The following DPP10 variants were observed in gnomAD, a reference collection of about 807,000 sequenced individuals.
DPP10 encodes dipeptidyl peptidase like 10.
In DPP10, 33 loss-of-function variants were observed where a neutral mutation model predicts 120.9. That is an observed-to-expected ratio of 0.27 (90% CI 0.21 to 0.37). The LOEUF is 0.37. Ranked by LOEUF, DPP10 falls within the 10% of genes least tolerant of loss-of-function variation. The pLI, the probability that DPP10 is intolerant of heterozygous loss-of-function variation, is 1.00. For synonymous variants in DPP10, 337 were observed against 326.1 expected (o/e 1.03, Z -0.36); for missense variants, 816 against 942.8 (o/e 0.87, Z 1.76).
rs571308022 is a variant in DPP10, at chr2:114,848,927, A to G, written c.60+406089A>G. The stretch of plus-strand genomic sequence containing the variant: ...AAAGGTCTGGCAAGTTCAATATCTG[A>G]TACAAGATGACTTCCTGGTTCACAG... On this transcript the variant is annotated intron_variant, in intron 1 of 25. Coordinates refer to ENST00000410059, the MANE Select transcript of DPP10 (RefSeq NM_020868.6). Among the ~76,000 whole-genome samples, 21 of 152,290 alleles carry G rather than the reference A, an allele frequency of 1.4e-4. No homozygotes were observed. In the South Asian group the frequency reaches 4.3e-3, roughly 32 times the overall value.
At chr2:115,009,941 A>G (rs1005359721) in intron 1 of DPP10, among the ~76,000 whole-genome samples, 4 of 152,202 alleles carry the variant, frequency 2.6e-5, no homozygotes, top group African/African-American at 9.7e-5. Context: ...GTAACAGTGG[A>G]TGGTAGATCT....
chr2:115,116,014 C>T (rs1235777206), intron 1 of DPP10, among the ~76,000 whole-genome samples: 7 of 152,186 alleles, frequency 4.6e-5, no homozygotes, highest in Non-Finnish European at 1.0e-4. Context: ...CTGAAGCATT[C>T]TCTAGCCATT....
chr2:114,871,440 A>G (rs1291470618), intron 1 of DPP10, among the ~76,000 whole-genome samples: 1 of 152,162 alleles, frequency 6.6e-6, no homozygotes, highest in African/African-American at 2.4e-5. Flanking sequence ...GTAATGATAC[A>G]AGTAATTTGC....
intron 1 of DPP10, among the ~76,000 whole-genome samples, chr2:114,460,191 A>ATCTATCTG (rs1553444572): frequency 5.9e-4 from 90 of 151,748 alleles, no homozygotes; most frequent in African/African-American, 1.8e-3. Context: ...CTATCTATCT[A>ATCTATCTG]TCTATCTATC....
chr2:115,710,908 A>G (rs975347452), intron 7 of DPP10, among the ~76,000 whole-genome samples: 10 of 152,114 alleles, frequency 6.6e-5, no homozygotes, highest in Non-Finnish European at 1.5e-4. Flanking sequence ...AAAATGTGGA[A>G]AATATTTCCA....
At chr2:115,577,473 T>C (rs1176317985) in intron 5 of DPP10, among the ~76,000 whole-genome samples, 1 of 152,270 alleles carries the variant, frequency 6.6e-6, no homozygotes, top group Non-Finnish European at 1.5e-5. Flanking sequence ...GATTTTTGTA[T>C]GATTTTTAAT....
intron 1 of DPP10, among the ~76,000 whole-genome samples, chr2:115,248,273 A>G (rs2058619157): frequency 6.6e-6 from 1 of 152,162 alleles, no homozygotes; most frequent in South Asian, 2.1e-4. Flanking sequence ...GTCCCACAGG[A>G]GAAGGGCTGG....
chr2:115,217,207 C>A (rs920992367), intron 1 of DPP10, among the ~76,000 whole-genome samples: 1 of 152,150 alleles, frequency 6.6e-6, no homozygotes, highest in African/African-American at 2.4e-5. Flanking sequence ...TAATTACCAG[C>A]TGTGTGAACT....
intron 1 of DPP10, among the ~76,000 whole-genome samples, chr2:114,996,912 G>T (rs1206441697): frequency 6.6e-6 from 1 of 150,642 alleles, no homozygotes; most frequent in African/African-American, 2.5e-5. Flanking sequence ...AACCCGGGAG[G>T]CGGAGGTTGC....
At chr2:115,011,219 C>G (rs1186022631) in intron 1 of DPP10, among the ~76,000 whole-genome samples, 1 of 152,154 alleles carries the variant, frequency 6.6e-6, no homozygotes, top group Non-Finnish European at 1.5e-5. Flanking sequence ...TTGGTAAACG[C>G]TTTGGGTGCC....
chr2:114,814,519 T>C (rs1170265689), intron 1 of DPP10, among the ~76,000 whole-genome samples: 1 of 152,172 alleles, frequency 6.6e-6, no homozygotes, highest in Non-Finnish European at 1.5e-5. Flanking sequence ...TATATTTTGT[T>C]TAATTTGATA....
chr2:114,473,625 T>C (rs978754527), intron 1 of DPP10, among the ~76,000 whole-genome samples: 5 of 152,194 alleles, frequency 3.3e-5, no homozygotes, highest in African/African-American at 1.2e-4. Flanking sequence ...TTGTTGATAG[T>C]AGTAAAAATT....
Position 115,815,749 on chromosome 2 carries a change from A to AATCT in DPP10, c.1950+25_1950+28dup, listed in dbSNP as rs775411492. 6.3e-7 allele frequency: 1 copy of AATCT among 1,582,498 alleles called. No homozygotes were observed. The highest frequency in any genetic ancestry group is 8.6e-7 in the Non-Finnish European group (1 of 1,159,372). On this transcript the variant is annotated intron_variant, in intron 21 of 25. Coordinates refer to ENST00000410059, the MANE Select transcript of DPP10 (RefSeq NM_020868.6). ...GGAAAGGTAAATAGTAGAAATGCTG[A>AATCT]ATCTATCTTTTTATGCGTATCTATG...
At position 115,682,109 on chromosome 2, in the gene DPP10, G is replaced by T. The variant is rs181257354; in HGVS notation, c.442-7578G>T. Among the ~76,000 whole-genome samples the T allele has an allele frequency of 3.8e-3, 579 of 152,058 alleles. 3 individuals are homozygous for T. Among genetic ancestry groups the T allele is most frequent in the Admixed American group, 7.1e-3 (108 of 15,264 alleles). The stretch of plus-strand genomic sequence containing the variant: ...AATATATTTATTTCTGCATGGATAT[G>T]CTAGAGAGAAAACTAGTTTATAGCT... On this transcript the variant is annotated intron_variant, in intron 5 of 25. Coordinates refer to ENST00000410059, the MANE Select transcript of DPP10 (RefSeq NM_020868.6).
intron 1 of DPP10, among the ~76,000 whole-genome samples, chr2:114,721,270 G>C (rs1701690431): frequency 6.6e-6 from 1 of 152,174 alleles, no homozygotes; most frequent in Non-Finnish European, 1.5e-5. Context: ...AGGGTGCTTT[G>C]AAACACCCAT....
rs936993467 is a variant in DPP10 at position 114,834,826 on chromosome 2, C to G, written c.60+391988C>G. 2.7e-5 allele frequency among the ~76,000 whole-genome samples: 4 copies of G among 149,446 alleles called. 1 individual carries two copies. Among genetic ancestry groups the G allele is most frequent in the African/African-American group, 1.0e-4 (4 of 39,554 alleles). Reference sequence around the variant, plus strand: ...GTATATATAAGCCATGTCTACACACCTATGTATATATAAGCCATGTCTACA... The same window carrying G: ...GTATATATAAGCCATGTCTACACACGTATGTATATATAAGCCATGTCTACA... On this transcript the variant is annotated intron_variant, in intron 1 of 25. Transcript: ENST00000410059.
intron 5 of DPP10, among the ~76,000 whole-genome samples, chr2:115,671,841 G>T (rs1374435316): frequency 6.6e-6 from 1 of 152,098 alleles, no homozygotes; most frequent in African/African-American, 2.4e-5. Flanking sequence ...AGCTTTGTGA[G>T]AATTTTTATT....
chr2:115,203,590 T>C (rs1005434959), intron 1 of DPP10, among the ~76,000 whole-genome samples: 34 of 151,958 alleles, frequency 2.2e-4, no homozygotes, highest in Admixed American at 8.5e-4. Context: ...ATCTAACTAG[T>C]GAAGTAATTT....
intron 19 of DPP10, among the ~76,000 whole-genome samples, chr2:115,802,359 T>C (rs929675539): frequency 1.3e-5 from 2 of 152,214 alleles, no homozygotes; most frequent in Non-Finnish European, 1.5e-5. Flanking sequence ...CTATCAATTT[T>C]GTTGATCTTT....
Sources: allele counts gnomAD v4.1 joint callset (sites outside exome capture counted in the v4.1 genomes callset), GRCh38; gene constraint gnomAD v4.1.1; transcripts MANE v1.5; gene names NCBI Gene and HGNC (gene_info 2026-07-23, HGNC 2026-07-21).